Variants in PRKCE observed in about 807,000 individuals in gnomAD.
PRKCE encodes the protein protein kinase C epsilon type.
PRKCE carries 16 observed loss-of-function variants against 85.4 expected under a neutral mutation model. The observed-to-expected ratio is 0.19, with a 90% CI of 0.13 to 0.28. The LOEUF (loss-of-function observed/expected upper bound fraction) is 0.28. PRKCE is among the 10% of genes least tolerant of loss of function. PRKCE has a pLI of 1.00. For synonymous variants in PRKCE, 388 were observed against 371.5 expected (o/e 1.04, Z -0.51); for missense variants, 573 against 975.2 (o/e 0.59, Z 5.49).
At chr2:45,801,564 T>G (rs553819254) in intron 1 of PRKCE, among the ~76,000 whole-genome samples, 27 of 151,910 alleles carry the variant, frequency 1.8e-4, no homozygotes, top group African/African-American at 6.5e-4. Context: ...CCAGCTCAGG[T>G]GATATGTCCT....
intron 1 of PRKCE, among the ~76,000 whole-genome samples, chr2:45,737,796 C>A (rs1682207111): frequency 6.6e-6 from 1 of 152,146 alleles, no homozygotes; most frequent in Non-Finnish European, 1.5e-5. Context: ...GCCTAAGACT[C>A]ACCCCCTCTG....
At chr2:46,046,273 C>T (rs1194715472) in intron 10 of PRKCE, among the ~76,000 whole-genome samples, 1 of 152,222 alleles carries the variant, frequency 6.6e-6, no homozygotes, top group Non-Finnish European at 1.5e-5. Context: ...AGCCTCCTGT[C>T]TCCACCAGAC....
At chr2:45,716,903 C>T (rs528358325) in intron 1 of PRKCE, among the ~76,000 whole-genome samples, 10 of 152,118 alleles carry the variant, frequency 6.6e-5, no homozygotes, top group Non-Finnish European at 1.2e-4. Flanking sequence ...GAGAGCAGAG[C>T]GAAGGGAGAA....
At chr2:45,881,109 C>T (rs1477318889) in intron 2 of PRKCE, among the ~76,000 whole-genome samples, 2 of 149,088 alleles carry the variant, frequency 1.3e-5, no homozygotes, top group African/African-American at 5.0e-5. Context: ...GCCGAGATCC[C>T]GCCACTGCAC....
At chr2:46,023,680 C>G (rs558939564) in intron 10 of PRKCE, among the ~76,000 whole-genome samples, 3 of 152,154 alleles carry the variant, frequency 2.0e-5, no homozygotes, top group Non-Finnish European at 2.9e-5. Flanking sequence ...AGGAGGAGGT[C>G]ACAAATTGGG....
At chr2:45,828,636 TC>T (rs1287105259) in intron 1 of PRKCE, among the ~76,000 whole-genome samples, 2 of 152,150 alleles carry the variant, frequency 1.3e-5, no homozygotes, top group Non-Finnish European at 2.9e-5. Context: ...TGACTGAGTT[TC>T]TTTTCTTTTC....
At chr2:46,053,304 A>T (rs1708967917) in intron 10 of PRKCE, among the ~76,000 whole-genome samples, 1 of 151,820 alleles carries the variant, frequency 6.6e-6, no homozygotes, top group Non-Finnish European at 1.5e-5. Context: ...TTACTTTTTA[A>T]TAAAAAAAAG....
At chr2:45,902,143 G>C (rs961544554) in intron 2 of PRKCE, among the ~76,000 whole-genome samples, 1 of 152,142 alleles carries the variant, frequency 6.6e-6, no homozygotes, top group African/African-American at 2.4e-5. Flanking sequence ...TGGAGTGTTT[G>C]CCCAGCCATG....
chr2:45,922,306 T>C (rs767498824), intron 2 of PRKCE, among the ~76,000 whole-genome samples: 12 of 152,182 alleles, frequency 7.9e-5, no homozygotes, highest in Non-Finnish European at 1.6e-4. Flanking sequence ...CAGTGCTTAA[T>C]GGAAAAGAGC....
chr2:46,102,569 T>C (rs931091848), intron 11 of PRKCE, among the ~76,000 whole-genome samples: 1 of 152,356 alleles, frequency 6.6e-6, no homozygotes, highest in East Asian at 1.9e-4. Context: ...TAATGCCTTC[T>C]TGTCGTTGTT....
chr2:46,058,072 C>A (rs1269814399), intron 10 of PRKCE, among the ~76,000 whole-genome samples: 1 of 152,230 alleles, frequency 6.6e-6, no homozygotes, highest in Non-Finnish European at 1.5e-5. Flanking sequence ...AAGTAATGGG[C>A]AAATTCATAG....
chr2:45,884,067 C>T (rs1558791771), intron 2 of PRKCE, among the ~76,000 whole-genome samples: 1 of 152,210 alleles, frequency 6.6e-6, no homozygotes, highest in Non-Finnish European at 1.5e-5. Flanking sequence ...GCCCCTCCCT[C>T]CCTGTTACAG....
intron 2 of PRKCE, among the ~76,000 whole-genome samples, chr2:45,943,427 G>A (rs750055275): frequency 2.6e-5 from 4 of 152,250 alleles, no homozygotes; most frequent in Admixed American, 6.5e-5. Context: ...CTCACTGTGA[G>A]CCCCTCTAGC....
intron 10 of PRKCE, among the ~76,000 whole-genome samples, chr2:46,071,374 A>G (rs1574392775): frequency 6.6e-6 from 1 of 152,196 alleles, no homozygotes. Flanking sequence ...TTCCTGAGCA[A>G]TTTTTAAGGG....
chr2:46,164,590 C>G (rs985745341), intron 14 of PRKCE, among the ~76,000 whole-genome samples: 1 of 152,134 alleles, frequency 6.6e-6, no homozygotes, highest in African/African-American at 2.4e-5. Context: ...TGACCCGGGG[C>G]GGGGGGTGCC....
intron 1 of PRKCE, among the ~76,000 whole-genome samples, chr2:45,679,081 TAGAAA>T (rs1676689796): frequency 6.6e-6 from 1 of 152,174 alleles, no homozygotes; most frequent in South Asian, 2.1e-4. Context: ...TCCAAAAGAA[TAGAAA>T]AGAGAGAGAA....
At chr2:46,086,804 A>T (rs1417150808) in intron 11 of PRKCE, among the ~76,000 whole-genome samples, 2 of 152,198 alleles carry the variant, frequency 1.3e-5, no homozygotes, top group African/African-American at 4.8e-5. Context: ...TCAGGGAAGG[A>T]GGAGTTGCTT....
intron 11 of PRKCE, among the ~76,000 whole-genome samples, chr2:46,102,791 T>C (rs973033087): frequency 6.6e-6 from 1 of 152,230 alleles, no homozygotes; most frequent in Admixed American, 6.5e-5. Context: ...CAGGAATACC[T>C]CAGAGGTGAA....
At chr2:45,711,343 G>A (rs902807236) in intron 1 of PRKCE, among the ~76,000 whole-genome samples, 3 of 152,190 alleles carry the variant, frequency 2.0e-5, no homozygotes, top group Non-Finnish European at 4.4e-5. Context: ...GACCAAGAGC[G>A]AGGACTCAGG....
Sources: allele counts gnomAD v4.1 joint callset (sites outside exome capture counted in the v4.1 genomes callset), GRCh38; gene constraint gnomAD v4.1.1; transcripts MANE v1.5; gene names NCBI Gene and HGNC (gene_info 2026-07-23, HGNC 2026-07-21).